The following PRKG1 variants were observed in gnomAD, a reference collection of about 807,000 sequenced individuals.
PRKG1 encodes cGMP-dependent protein kinase 1.
In PRKG1, 35 loss-of-function variants were observed where a neutral mutation model predicts 88.1. That is an observed-to-expected ratio of 0.40 (90% confidence interval 0.30 to 0.53). The LOEUF is 0.53. PRKG1 is among the 20% of genes least tolerant of loss of function. PRKG1 has a pLI of 0.59. For synonymous variants in PRKG1, 303 were observed against 292.5 expected (o/e 1.04, Z -0.37); for missense variants, 540 against 839.8 (o/e 0.64, Z 4.41).
chr10:51,726,243 G>A (rs1009527253), intron 3 of PRKG1, among the ~76,000 whole-genome samples: 8 of 151,910 alleles, frequency 5.3e-5, no homozygotes, highest in African/African-American at 1.9e-4. Flanking sequence ...ATGTATTTTA[G>A]TTTTGCATCC....
chr10:52,107,918 C>A (rs1466914573), intron 7 of PRKG1, among the ~76,000 whole-genome samples: 1 of 152,166 alleles, frequency 6.6e-6, no homozygotes, highest in Non-Finnish European at 1.5e-5. Context: ...ATCACCTAGC[C>A]TGTGCCAACA....
chr10:51,503,713 G>A (rs1401939175), intron 3 of PRKG1, among the ~76,000 whole-genome samples: 1 of 141,640 alleles, frequency 7.1e-6, no homozygotes, highest in African/African-American at 2.5e-5. Context: ...TTGCATCTGG[G>A]TAAAAATAAA....
At chr10:51,961,482 G>A (rs1843447428) in intron 5 of PRKG1, among the ~76,000 whole-genome samples, 1 of 152,202 alleles carries the variant, frequency 6.6e-6, no homozygotes, top group Admixed American at 6.5e-5. Context: ...TATGGTTGCA[G>A]GAGTAATTAA....
intron 2 of PRKG1, among the ~76,000 whole-genome samples, chr10:51,217,303 T>A (rs1838397708): frequency 6.6e-6 from 1 of 152,330 alleles, no homozygotes; most frequent in Admixed American, 6.5e-5. Flanking sequence ...TATACATATC[T>A]TCACAGCATC....
rs1843902455 is a variant in PRKG1 at position 51,074,737 on chromosome 10, C to T, written c.147C>T (p.Tyr49=). Residue 49 remains tyrosine (Y), a synonymous_variant, in exon 1 of 18, where the codon TAC becomes TAT. Coordinates refer to ENST00000373980, the MANE Select transcript of PRKG1 (RefSeq NM_006258.4). ...IQKLQNELDK[Y]RSVIRPATQQ... ...AGCTGCAGAACGAGCTGGACAAGTA[C>T]CGCTCGGTGATCCGACCAGCCACCC... The T allele has an allele frequency of 6.2e-7, 1 of 1,614,074 alleles. No individual in the cohort carries two copies. Among genetic ancestry groups the T allele is most frequent in the Non-Finnish European group, 8.5e-7 (1 of 1,179,966 alleles).
chr10:51,699,938 G>A (rs1449715329), intron 3 of PRKG1, among the ~76,000 whole-genome samples: 1 of 152,240 alleles, frequency 6.6e-6, no homozygotes, highest in Non-Finnish European at 1.5e-5. Context: ...AGGCGGTTTT[G>A]CTTCCGTTCC....
intron 5 of PRKG1, among the ~76,000 whole-genome samples, chr10:52,030,648 A>T (rs1341846185): frequency 1.3e-5 from 2 of 152,198 alleles, no homozygotes; most frequent in African/African-American, 2.4e-5. Context: ...GAAGTCAGCG[A>T]TGGGAAGTGA....
chr10:52,161,678 G>A (rs1208480985), intron 8 of PRKG1, among the ~76,000 whole-genome samples: 1 of 152,040 alleles, frequency 6.6e-6, no homozygotes, highest in Non-Finnish European at 1.5e-5. Flanking sequence ...CAACTCTATT[G>A]GCAAATAATG....
At chr10:51,182,853 A>G (rs1453943190) in intron 2 of PRKG1, among the ~76,000 whole-genome samples, 2 of 152,232 alleles carry the variant, frequency 1.3e-5, no homozygotes, top group East Asian at 1.9e-4. Context: ...ATACTTAGGC[A>G]TAAGTCTTTT....
intron 7 of PRKG1, among the ~76,000 whole-genome samples, chr10:52,126,848 T>C (rs903959073): frequency 1.3e-5 from 2 of 152,160 alleles, no homozygotes; most frequent in African/African-American, 4.8e-5. Context: ...GTCGTCAGTA[T>C]AGTGCCTGGA....
At position 51,879,784 on chromosome 10, in the gene PRKG1, G is replaced by C. The variant is rs529140469; in HGVS notation, c.699-27723G>C. Among the ~76,000 whole-genome samples, 11 of 152,286 alleles carry C rather than the reference G, an allele frequency of 7.2e-5. 1 individual carries two copies. In the South Asian group the frequency reaches 2.3e-3, roughly 32 times the overall value. ...GGGAAGTCAACTGCAGTTTTTCCTAGATAACAGTGGAATTGAATGCCACCT... is the reference window on the plus strand; with the variant it reads ...GGGAAGTCAACTGCAGTTTTTCCTACATAACAGTGGAATTGAATGCCACCT... On this transcript the variant is annotated intron_variant, in intron 4 of 17. Coordinates refer to ENST00000373980, the MANE Select transcript of PRKG1 (RefSeq NM_006258.4).
In PRKG1 at chr10:51,601,203, G is replaced by T. The variant is rs576146232; in HGVS notation, c.592+133367G>T. Among the ~76,000 whole-genome samples the T allele has an allele frequency of 2.0e-5, 3 of 152,160 alleles. No homozygotes were observed. In the East Asian group the frequency reaches 5.8e-4, roughly 29 times the overall value. ...ACAGTTGTATTCCCAACTTCTTGGG[G>T]AAGGGAATGTTTGGGACAGATTAGC... On this transcript the variant is annotated intron_variant, in intron 3 of 17. Coordinates refer to ENST00000373980, the MANE Select transcript of PRKG1 (RefSeq NM_006258.4).
In PRKG1 at chr10:51,433,003, T is replaced by C. The variant is rs561382010; in HGVS notation, c.479-34720T>C. On this transcript the variant is annotated intron_variant, in intron 2 of 17. Coordinates refer to ENST00000373980, the MANE Select transcript of PRKG1 (RefSeq NM_006258.4). ...AGAAGATAAATCCTCCTCTTTACAG[T>C]ATGGACATTTTCTAAAAATAAAAAT... Among the ~76,000 whole-genome samples, 6 of 152,248 alleles carry C rather than the reference T, an allele frequency of 3.9e-5. No individual in the cohort carries two copies. In the East Asian group the frequency reaches 1.2e-3, roughly 29 times the overall value.
intron 3 of PRKG1, among the ~76,000 whole-genome samples, chr10:51,502,406 T>A (rs189907061): frequency 5.9e-5 from 9 of 152,244 alleles, no homozygotes; most frequent in African/African-American, 2.2e-4. Context: ...CACATCTAGG[T>A]TATATATGAA....
intron 8 of PRKG1, among the ~76,000 whole-genome samples, chr10:52,135,706 A>T (rs1318018716): frequency 6.6e-6 from 1 of 152,140 alleles, no homozygotes; most frequent in East Asian, 1.9e-4. Flanking sequence ...ACATTCTACT[A>T]AGAATGTAAT....
intron 2 of PRKG1, among the ~76,000 whole-genome samples, chr10:51,315,898 C>T (rs1841305105): frequency 6.6e-6 from 1 of 152,176 alleles, no homozygotes; most frequent in African/African-American, 2.4e-5. Flanking sequence ...TGCATCTAAT[C>T]TGTATCCTCA....
intron 1 of PRKG1, among the ~76,000 whole-genome samples, chr10:51,080,160 G>A (rs571819226): frequency 1.3e-5 from 2 of 152,212 alleles, no homozygotes; most frequent in Admixed American, 1.3e-4. Flanking sequence ...TTATAAAAAT[G>A]TATGAGACCA....
At chr10:51,052,862 G>A (rs1843581002) in intron 1 of PRKG1, among the ~76,000 whole-genome samples, 1 of 152,134 alleles carries the variant, frequency 6.6e-6, no homozygotes, top group African/African-American at 2.4e-5. Context: ...GTCTTATAAA[G>A]GCCATCAGAT....
At chr10:51,979,421 T>TG (rs1564737261) in intron 5 of PRKG1, among the ~76,000 whole-genome samples, 1 of 136,070 alleles carries the variant, frequency 7.3e-6, no homozygotes, top group African/African-American at 2.8e-5. Flanking sequence ...TTTTTTTTTT[T>TG]TTTTTTTTTT....
Sources: gnomAD v4.1 joint callset for allele counts (sites outside exome capture counted in the v4.1 genomes callset) on GRCh38, gnomAD v4.1.1 for gene constraint, MANE v1.5 for transcripts, NCBI Gene and HGNC (gene_info 2026-07-23, HGNC 2026-07-21) for gene names.